The following MYO9A variants were observed in gnomAD, a reference collection of about 807,000 sequenced individuals.
MYO9A encodes myosin IXA.
Under a neutral mutation model 293.3 loss-of-function variants are expected in MYO9A, and 103 were observed. The ratio of observed to expected loss-of-function variants is 0.35; its 90% confidence interval spans 0.30 to 0.41. The LOEUF is 0.41. Among genes scored for constraint, MYO9A ranks in the 10% least tolerant of loss-of-function variants. The pLI is 1.00. For missense variants in MYO9A, 2,685 were observed against 3,033.0 expected (o/e 0.89, Z 2.69); for synonymous variants, 1,001 against 1,035.7 (o/e 0.97, Z 0.64).
At chr15:71,889,852 C>A (rs2057128183) in intron 26 of MYO9A, 1 of 152,092 alleles carries the variant, frequency 6.6e-6, no homozygotes, top group Admixed American at 6.5e-5. Flanking sequence ...CAGATAGCTG[C>A]AATGCTATAA....
At chr15:72,029,233 C>A (rs2077784597) in intron 3 of MYO9A, among the ~76,000 whole-genome samples, 1 of 152,198 alleles carries the variant, frequency 6.6e-6, no homozygotes, top group African/African-American at 2.4e-5. Context: ...GGAGGGTACA[C>A]ATACCAACTT....
At chr15:72,013,524 C>T (rs1233409605) in intron 6 of MYO9A, among the ~76,000 whole-genome samples, 1 of 152,212 alleles carries the variant, frequency 6.6e-6, no homozygotes, top group Admixed American at 6.5e-5. Context: ...AGAACATAGG[C>T]AATCCTTCTG....
At chr15:71,928,539 G>T (rs192258449) in intron 18 of MYO9A, among the ~76,000 whole-genome samples, 70 of 152,046 alleles carry the variant, frequency 4.6e-4, no homozygotes, top group Non-Finnish European at 9.1e-4. Context: ...GCAATATGGA[G>T]ATTTTAACAA....
Position 71,830,080 on chromosome 15 carries a change from T to TGTC in MYO9A, c.7040+26_7040+28dup, listed in dbSNP as rs1349979807. The TGTC allele has an allele frequency of 3.7e-6, 6 of 1,605,308 alleles. No individual in the cohort carries two copies. The African/African-American group carries it at 6.7e-5, about 18-fold the overall frequency. ...GAAGGAAACAAAAACAGACTATAAC[T>TGTC]GTCTCTCCCCTTCCTCCTGGATACT... is the stretch of plus-strand genomic sequence containing the variant. On this transcript the variant is annotated intron_variant, in intron 40 of 41. Coordinates refer to ENST00000356056, the MANE Select transcript of MYO9A (RefSeq NM_006901.4).
chr15:71,993,954 C>CA (rs34602189), intron 10 of MYO9A, among the ~76,000 whole-genome samples: 81,512 of 119,608 alleles, frequency 0.68, 27,066 homozygotes, highest in Middle Eastern at 0.77. Flanking sequence ...GACACCGTCT[C>CA]AAAAAAAAAA....
rs1195126079 is a variant in MYO9A, at chr15:71,994,680, T to C, written c.1471-95A>G. ...GCTCCCATTCAAGAAAGAAACTTAC[T>C]ATCCTGAATTAGAAATGAATTTTTC... On this transcript the variant is annotated intron_variant, in intron 9 of 41. Transcript: ENST00000356056. The C allele has an allele frequency of 8.2e-6, 5 of 611,210 alleles. No homozygotes were observed. In the African/African-American group the frequency reaches 9.4e-5, roughly 12 times the overall value. The allele number at this position is 611,210 out of a possible 1,614,324, so 37.9% of individuals were successfully genotyped here. A position where few individuals can be genotyped will look rare whatever the true frequency, so the allele number is the denominator to read the frequency against.
chr15:71,906,617 T>C (rs73434332), intron 19 of MYO9A, among the ~76,000 whole-genome samples: 3,228 of 152,162 alleles, frequency 0.021, 112 homozygotes, highest in African/African-American at 0.075. Flanking sequence ...ATAGTCACTA[T>C]AGCTTTCTTT....
intron 32 of MYO9A, among the ~76,000 whole-genome samples, chr15:71,868,372 T>C (rs573604759): frequency 3.9e-5 from 6 of 152,344 alleles, no homozygotes; most frequent in African/African-American, 1.4e-4. Flanking sequence ...TACCTATGTC[T>C]CCTGCATCAT....
Position 71,898,339 on chromosome 15 carries a change from A to G in MYO9A, c.4164T>C (p.Asp1388=). 6.2e-7 allele frequency: 1 copy of G among 1,613,790 alleles called. No individual in the cohort carries two copies. Among genetic ancestry groups the G allele is most frequent in the Middle Eastern group, 1.7e-4 (1 of 6,060 alleles). ...AGACCACCATTTCCTTCATAGTTCC[A>G]TCCTTCAAATGCTCTGCACTGCTAG... ...NETSSAEHLK[D]GTMKEMVVCS... is the part of the protein sequence containing the mutation. The change falls in exon 25 of 42, where the codon GAT becomes GAC. Residue 1388 remains aspartate (D), a synonymous_variant. Transcript: ENST00000356056.
chr15:71,877,147 G>C (rs2056718916), intron 31 of MYO9A, among the ~76,000 whole-genome samples: 1 of 152,080 alleles, frequency 6.6e-6, no homozygotes, highest in South Asian at 2.1e-4. Context: ...TTCATCTGGG[G>C]TACTGAAAAG....
chr15:72,108,763 T>G (rs909534456), intron 1 of MYO9A, among the ~76,000 whole-genome samples: 7 of 944 alleles, frequency 7.4e-3, no homozygotes, highest in Non-Finnish European at 0.037. Flanking sequence ...GACACATACA[T>G]TTTTTTTTTT....
intron 6 of MYO9A, among the ~76,000 whole-genome samples, chr15:72,015,350 A>G (rs2957740): frequency 0.64 from 97,338 of 152,008 alleles, 32,391 homozygotes; most frequent in Middle Eastern, 0.74. Context: ...AGATGAAAAC[A>G]TTATGGTTTC....
At chr15:71,843,812 G>A (rs182607467) in intron 39 of MYO9A, among the ~76,000 whole-genome samples, 5 of 152,134 alleles carry the variant, frequency 3.3e-5, no homozygotes, top group African/African-American at 7.2e-5. Flanking sequence ...AGACGACCCA[G>A]GAGGAAATTG....
chr15:71,999,974 A>G, intron 8 of MYO9A, 34 bp from the exon 9 acceptor site: 1 of 1,525,578 alleles, frequency 6.6e-7, no homozygotes, highest in Non-Finnish European at 9.0e-7. Context: ...AATATGTAAG[A>G]TTTATGACAA....
rs765264146 is a variant in MYO9A, at chr15:71,906,758, C to CTTTCTTTTTTTTTTT, written c.2686-1753_2686-1752insAAAAAAAAAAAGAAA. ...CCAATCAGATAATATCCATTTCTTT[C>CTTTCTTTTTTTTTTT]TTTTTTTTTTTTTTTTTTTTCCTGA... On this transcript the variant is annotated intron_variant, in intron 19 of 41. Transcript: ENST00000356056. 2.9e-4 allele frequency among the ~76,000 whole-genome samples: 18 copies of CTTTCTTTTTTTTTTT among 61,032 alleles called. 2 individuals are homozygous for CTTTCTTTTTTTTTTT. The highest frequency in any genetic ancestry group is 7.0e-4 in the South Asian group (1 of 1,432). The allele number at this position is 61,032 out of a possible 152,430, so 40.0% of individuals were successfully genotyped here.
chr15:72,042,949 A>G (rs1248450022), intron 2 of MYO9A, among the ~76,000 whole-genome samples: 1 of 152,024 alleles, frequency 6.6e-6, no homozygotes, highest in Non-Finnish European at 1.5e-5. Flanking sequence ...ACAGGCTGAT[A>G]GTGCCAGCTA....
Position 71,951,873 on chromosome 15 carries a change from C to T in MYO9A, c.2206G>A (p.Ala736Thr). 2 of 1,608,704 alleles carry T rather than the reference C, an allele frequency of 1.2e-6. No homozygotes were observed. The change falls in exon 15 of 42, where the codon GCA (alanine) becomes ACA (threonine). Residue 736 changes from alanine (A) to threonine (T), a missense_variant. Ala to Thr is a moderately conservative substitution (Grantham distance 58). Transcript: ENST00000356056. The stretch of plus-strand genomic sequence containing the variant: ...AAACTATCCATACTTTTCAAAATTG[C>T]ACATGGCGCTGTATCATCATGTCCT... ...KTGHDDTAPC[A>T]ILKSMDSFSF...
At chr15:71,912,349 G>A (rs921434266) in intron 19 of MYO9A, among the ~76,000 whole-genome samples, 1 of 151,550 alleles carries the variant, frequency 6.6e-6, no homozygotes, top group African/African-American at 2.4e-5. Context: ...TCCACCTCCT[G>A]GGTTCAAGCG....
intron 7 of MYO9A, among the ~76,000 whole-genome samples, chr15:72,009,893 T>C (rs140388476): frequency 6.6e-6 from 1 of 152,258 alleles, no homozygotes; most frequent in Non-Finnish European, 1.5e-5. Context: ...TTTTAAATTG[T>C]TTAGATTTAC....
Sources: allele counts gnomAD v4.1 joint callset (sites outside exome capture counted in the v4.1 genomes callset), GRCh38; gene constraint gnomAD v4.1.1; transcripts MANE v1.5; gene names NCBI Gene and HGNC (gene_info 2026-07-23, HGNC 2026-07-21).